C8orf34: variants seen among roughly 807,000 people sequenced by gnomAD.
C8orf34 encodes chromosome 8 open reading frame 34.
A neutral mutation model predicts 68.3 loss-of-function variants in C8orf34; 65 were observed. The ratio of observed to expected loss-of-function variants is 0.95; its 90% CI spans 0.78 to 1.17. C8orf34 has a LOEUF of 1.17. Among genes scored for constraint, C8orf34 ranks in the 50% most tolerant of loss-of-function variants. The probability of loss-of-function intolerance (pLI) is 0.00; values close to 1 mark genes in which losing one functional copy is unlikely to be tolerated. For missense variants in C8orf34, 664 were observed against 655.4 expected, an observed-to-expected ratio of 1.01 and a Z score of -0.14; for synonymous variants, 244 against 241.2, an observed-to-expected ratio of 1.01 and a Z score of -0.11.
At chr8:68,544,462 T>C (rs1305461990) in intron 7 of C8orf34, among the ~76,000 whole-genome samples, 1 of 152,202 alleles carries the variant, frequency 6.6e-6, no homozygotes, top group East Asian at 1.9e-4. Context: ...GATCTGTCCA[T>C]AATTTAATTC....
intron 5 of C8orf34, among the ~76,000 whole-genome samples, chr8:68,493,259 T>C (rs950667941): frequency 1.3e-4 from 20 of 151,460 alleles, no homozygotes; most frequent in African/African-American, 4.8e-4. Flanking sequence ...CCAGAATATA[T>C]GAATAACTCC....
At chr8:68,578,243 T>A (rs1242958823) in intron 7 of C8orf34, among the ~76,000 whole-genome samples, 4 of 152,000 alleles carry the variant, frequency 2.6e-5, no homozygotes, top group African/African-American at 9.7e-5. Flanking sequence ...GTGAATAGGA[T>A]TAAATAATAT....
chr8:68,766,818 T>C (rs185188139), intron 10 of C8orf34, among the ~76,000 whole-genome samples: 1 of 152,318 alleles, frequency 6.6e-6, no homozygotes, highest in Non-Finnish European at 1.5e-5. Context: ...TAAACACAAA[T>C]AGTGAAAATC....
chr8:68,618,542 G>A (rs760067961), intron 7 of C8orf34, among the ~76,000 whole-genome samples: 62 of 152,046 alleles, frequency 4.1e-4, no homozygotes, highest in Admixed American at 1.8e-3. Flanking sequence ...TAGAGACAGG[G>A]CCTCTCTATT....
At chr8:68,644,268 G>A (rs1819101010) in intron 8 of C8orf34, among the ~76,000 whole-genome samples, 2 of 152,152 alleles carry the variant, frequency 1.3e-5, no homozygotes, top group Admixed American at 1.3e-4. Flanking sequence ...CAACTTAGGG[G>A]AGAGGGAATG....
chr8:68,447,456 A>C (rs1406876431), intron 3 of C8orf34: 5 of 152,160 alleles, frequency 3.3e-5, no homozygotes, highest in Admixed American at 3.3e-4. Flanking sequence ...ACATATGTAT[A>C]AACATGTCAA....
intron 10 of C8orf34, among the ~76,000 whole-genome samples, chr8:68,738,567 A>G (rs1473558815): frequency 1.3e-5 from 2 of 151,872 alleles, no homozygotes. Context: ...AAGAAAAGAG[A>G]CCCAAACAAA....
intron 2 of C8orf34, among the ~76,000 whole-genome samples, chr8:68,445,718 C>G (rs145830994): frequency 6.6e-6 from 1 of 152,024 alleles, no homozygotes. Context: ...AACAGAATAC[C>G]ATGCTTTATT....
intron 4 of C8orf34, among the ~76,000 whole-genome samples, chr8:68,482,062 T>A (rs1309922150): frequency 6.6e-6 from 1 of 152,212 alleles, no homozygotes; most frequent in African/African-American, 2.4e-5. Flanking sequence ...TTCCCACGTG[T>A]TGTGGGAGGA....
At chr8:68,798,776 C>T (rs1824250407) in intron 12 of C8orf34, among the ~76,000 whole-genome samples, 1 of 152,246 alleles carries the variant, frequency 6.6e-6, no homozygotes, top group Non-Finnish European at 1.5e-5. Flanking sequence ...AAATGTTCCC[C>T]ATGTTTGTGG....
At chr8:68,601,806 G>C (rs1022131675) in intron 7 of C8orf34, among the ~76,000 whole-genome samples, 2 of 152,004 alleles carry the variant, frequency 1.3e-5, no homozygotes, top group African/African-American at 4.8e-5. Flanking sequence ...ATTTTCTATT[G>C]TGTACTGCAC....
At chr8:68,346,571 C>T (rs573494790) in intron 1 of C8orf34, among the ~76,000 whole-genome samples, 1 of 152,148 alleles carries the variant, frequency 6.6e-6, no homozygotes, top group African/African-American at 2.4e-5. Flanking sequence ...TTTTCACTGT[C>T]CTAAAATCCT....
At chr8:68,689,348 T>C (rs914894778) in intron 8 of C8orf34, among the ~76,000 whole-genome samples, 61 of 152,060 alleles carry the variant, frequency 4.0e-4, no homozygotes, top group Admixed American at 2.2e-3. Context: ...ATCTCAGAAA[T>C]CACCACTGTA....
At chr8:68,573,619 A>G (rs1008966917) in intron 7 of C8orf34, among the ~76,000 whole-genome samples, 1 of 152,166 alleles carries the variant, frequency 6.6e-6, no homozygotes, top group Non-Finnish European at 1.5e-5. Context: ...AAAAAACGTG[A>G]TGGCCTGAGC....
Position 68,810,911 on chromosome 8 carries a change from A to C in C8orf34, c.1550-4975A>C, listed in dbSNP as rs143333787. Among the ~76,000 whole-genome samples the C allele has an allele frequency of 3.3e-5, 5 of 152,286 alleles. No homozygotes were observed. In the East Asian group the frequency reaches 9.7e-4, roughly 29 times the overall value. ...GTCCATGCGTGCGCCTAGGAGAAGC[A>C]TCATAAGTTCTCACTCTGGTCTGCA... On this transcript the variant is annotated intron_variant, in intron 12 of 13. Transcript: ENST00000518698.
rs578123393 is a variant in C8orf34 at position 68,555,755 on chromosome 8, G to A, written c.1105+22606G>A. Among the ~76,000 whole-genome samples, 153 of 152,162 alleles carry A rather than the reference G, an allele frequency of 1.0e-3. 1 individual carries two copies. Among genetic ancestry groups the A allele is most frequent in the African/African-American group, 3.5e-3 (144 of 41,532 alleles). On this transcript the variant is annotated intron_variant, in intron 7 of 13. Coordinates refer to ENST00000518698, the MANE Select transcript of C8orf34 (RefSeq NM_052958.4). ...AAGTTTCTTTTTCAATTAATTTTGT[G>A]TTTTAGAAATTTATTCATGTAGGTA...
At chr8:68,727,337 A>C (rs989721284) in intron 10 of C8orf34, among the ~76,000 whole-genome samples, 1 of 152,192 alleles carries the variant, frequency 6.6e-6, no homozygotes. Flanking sequence ...GGTCTTGGGC[A>C]GTTCCACCCC....
At chr8:68,334,317 A>G (rs814451) in intron 1 of C8orf34, among the ~76,000 whole-genome samples, 92,177 of 151,780 alleles carry the variant, frequency 0.61, 29,277 homozygotes, top group African/African-American at 0.82. Flanking sequence ...AGAATTCTGG[A>G]CAATGATATT....
At chr8:68,776,169 A>G (rs972330677) in intron 10 of C8orf34, among the ~76,000 whole-genome samples, 8 of 152,178 alleles carry the variant, frequency 5.3e-5, no homozygotes, top group Non-Finnish European at 1.2e-4. Flanking sequence ...ATAAAATAAA[A>G]TATATTTTAA....
Sources: allele counts gnomAD v4.1 joint callset (sites outside exome capture counted in the v4.1 genomes callset), GRCh38; gene constraint gnomAD v4.1.1; transcripts MANE v1.5; gene names NCBI Gene and HGNC (gene_info 2026-07-23, HGNC 2026-07-21).